The following NAGLU variants were observed in gnomAD, a reference collection of about 807,000 sequenced individuals.
The protein encoded by NAGLU is N-acetyl-alpha-glucosaminidase.
Under a neutral mutation model 43.4 loss-of-function variants are expected in NAGLU, and 34 were observed. That is an observed-to-expected ratio of 0.78 (90% CI 0.60 to 1.04). The LOEUF is 1.04. Among genes scored for constraint, NAGLU ranks in the 50% least tolerant of loss-of-function variants. The pLI is 0.00. For synonymous variants in NAGLU, 425 were observed against 437.6 expected (o/e 0.97, Z 0.36); for missense variants, 910 against 993.7 (o/e 0.92, Z 1.13).
In NAGLU at chr17:42,543,411, C is replaced by G. The variant is rs894998392; in HGVS notation, c.1405C>G (p.Pro469Ala). The part of the protein sequence containing the change: ...AELGWRKDPV[P>A]DLAAWVTSFA... ...GCTGGGCTGGCGAAAGGACCCAGTG[C>G]CAGATTTGGCAGCCTGGGTGACCAG... The change falls in exon 6 of 6, where the codon CCA becomes GCA. Residue 469 changes from proline to alanine, a missense_variant. Transcript: ENST00000225927. 2 of 1,603,944 alleles carry G rather than the reference C, an allele frequency of 1.2e-6. No homozygotes were observed. The highest frequency in any genetic ancestry group is 1.7e-5 in the Admixed American group (1 of 58,376).
intron 5 of NAGLU, among the ~76,000 whole-genome samples, chr17:42,541,580 A>G (rs538083082): frequency 3.3e-5 from 5 of 152,358 alleles, no homozygotes; most frequent in South Asian, 4.1e-4. Context: ...ATTTTGTTTC[A>G]TCTCTGCGTG....
At chr17:42,541,905 ATT>A (rs576041392) in intron 5 of NAGLU, among the ~76,000 whole-genome samples, 3 of 144,102 alleles carry the variant, frequency 2.1e-5, no homozygotes, top group Non-Finnish European at 3.1e-5. Flanking sequence ...GAGAAGCTAC[ATT>A]TTTTTTTTTT....
chr17:42,538,790 A>C lies in NAGLU; in HGVS notation c.764+35A>C, dbSNP rs747748979. 10 of 1,610,526 alleles carry C rather than the reference A, an allele frequency of 6.2e-6. No individual in the cohort carries two copies. The South Asian group carries it at 1.1e-4, about 18-fold the overall frequency. Reference sequence around the variant, plus strand: ...CGCTCACCCCCTCCACTTAGCTCAGAGAGGGAATTTTATTCCCTTCTAGAA... The same window carrying C: ...CGCTCACCCCCTCCACTTAGCTCAGCGAGGGAATTTTATTCCCTTCTAGAA... On this transcript the variant is annotated intron_variant, in intron 4 of 5. Coordinates refer to ENST00000225927, the MANE Select transcript of NAGLU (RefSeq NM_000263.4).
rs773054539 is a variant in NAGLU, at chr17:42,543,553, C to T, written c.1547C>T (p.Pro516Leu). Residue 516 changes from proline (P) to leucine (L), a missense_variant, in exon 6 of 6, where the codon CCG (proline) becomes CTG (leucine). Physicochemically the swap from Pro to Leu is moderately conservative, Grantham distance 98. Coordinates refer to ENST00000225927, the MANE Select transcript of NAGLU (RefSeq NM_000263.4). ...GCCTGCAGGGGCCACAATCGTAGCC[C>T]GCTGGTCAGGCGGCCGTCCCTACAG... Reference protein sequence around the residue: ...GEACRGHNRSPLVRRPSLQMN... With the variant: ...GEACRGHNRSLLVRRPSLQMN... 3.7e-6 allele frequency: 6 copies of T among 1,611,164 alleles called. No homozygotes were observed. The highest frequency in any genetic ancestry group is 1.3e-5 in the African/African-American group (1 of 75,032).
rs2143116788 is a variant in NAGLU at position 42,544,174 on chromosome 17, CTG to C, written c.2171_2172del (p.Val724GlyfsTer32). On this transcript the variant is annotated frameshift_variant, in exon 6 of 6. Coordinates refer to ENST00000225927, the MANE Select transcript of NAGLU (RefSeq NM_000263.4). LOFTEE classifies it high-confidence loss of function. ...TACCCCAGCCAGCCGCGAGGAGACA[CTG>C]TGGACCTGGCCAAGAAGATCTTCCT... is the stretch of plus-strand genomic sequence containing the variant. The C allele has an allele frequency of 1.9e-6, 3 of 1,613,488 alleles. No individual in the cohort carries two copies. Among genetic ancestry groups the C allele is most frequent in the East Asian group, 2.2e-5 (1 of 44,888 alleles).
intron 5 of NAGLU, among the ~76,000 whole-genome samples, chr17:42,542,467 G>GTAT (rs1217254856): frequency 1.3e-5 from 2 of 152,076 alleles, no homozygotes; most frequent in African/African-American, 4.8e-5. Flanking sequence ...CAAAGTACTG[G>GTAT]TATTACAGGC....
In NAGLU at chr17:42,537,599, G is replaced by A. The variant is rs117114905; in HGVS notation, c.531+54G>A. 5.6e-4 allele frequency: 901 copies of A among 1,601,456 alleles called. 13 individuals are homozygous for A. In the East Asian group the frequency reaches 0.013, roughly 23 times the overall value. On this transcript the variant is annotated intron_variant, in intron 2 of 5. Transcript: ENST00000225927. The stretch of plus-strand genomic sequence containing the variant: ...TCCTCTATGGCGGGAGCCACCGTAG[G>A]TGTTTTCACCCGCCCCCCAGCATGG...
rs185125044 is a variant in NAGLU, at chr17:42,536,843, G to C, written c.383+188G>C. On this transcript the variant is annotated intron_variant, in intron 1 of 5. Coordinates refer to ENST00000225927, the MANE Select transcript of NAGLU (RefSeq NM_000263.4). ...GCCTCGGCTGGCCCACCTGAAAAAC[G>C]GAAAGAAGACGCCTACCGTGCAGTG... 1.7e-3 allele frequency: 2,037 copies of C among 1,176,912 alleles called. 10 individuals are homozygous for C. In the Middle Eastern group the frequency reaches 0.022, roughly 13 times the overall value. The allele number at this position is 1,176,912 out of a possible 1,614,324, so 72.9% of individuals were successfully genotyped here. A position where few individuals can be genotyped will look rare whatever the true frequency, so the allele number is the denominator to read the frequency against.
chr17:42,540,899 T>C (rs1299984056), intron 4 of NAGLU, 51 bp from the exon 5 acceptor site: 2 of 1,613,930 alleles, frequency 1.2e-6, no homozygotes, highest in Non-Finnish European at 1.7e-6. Flanking sequence ...AACACTATGG[T>C]GAACACTATG....
At chr17:42,537,918 C>T (rs1312647569) in intron 2 of NAGLU, among the ~76,000 whole-genome samples, 1 of 152,004 alleles carries the variant, frequency 6.6e-6, no homozygotes, top group Non-Finnish European at 1.5e-5. Context: ...CTCCTTCCCC[C>T]ATCTCCCCTA....
At chr17:42,538,564 C>T (rs1198600467) in intron 3 of NAGLU, 79 bp downstream of exon 3, 1 of 1,612,608 alleles carries the variant, frequency 6.2e-7, no homozygotes. Context: ...TAGGCCGGCC[C>T]CAGGGCTCTT....
At chr17:42,537,081 G>T in intron 1 of NAGLU, 4 of 465,232 alleles carry the variant, frequency 8.6e-6, no homozygotes, top group Non-Finnish European at 1.6e-5. Flanking sequence ...CCATCTGTTA[G>T]ACTGTGGGGG....
chr17:42,542,261 G>C (rs1054041463), intron 5 of NAGLU, among the ~76,000 whole-genome samples: 1 of 152,020 alleles, frequency 6.6e-6, no homozygotes, highest in African/African-American at 2.4e-5. Context: ...ACGGGGTTTC[G>C]CTATGTAGGT....
intron 1 of NAGLU, 44 bp from the exon 2 acceptor site, chr17:42,537,354 C>A (rs900921055): frequency 6.2e-7 from 1 of 1,613,250 alleles, no homozygotes; most frequent in Non-Finnish European, 8.5e-7. Context: ...GGGCCGTGGA[C>A]CCTCCAGGGT....
In NAGLU at chr17:42,541,056, A is replaced by C. The variant is rs199625480; in HGVS notation, c.871A>C (p.Ile291Leu). Residue 291 changes from isoleucine to leucine, a missense_variant, in exon 5 of 6, where the codon ATC (isoleucine) becomes CTC (leucine). By Grantham distance (5) the Ile-to-Leu change is conservative. Coordinates refer to ENST00000225927, the MANE Select transcript of NAGLU (RefSeq NM_000263.4). ...TCCGGAAGACCCCATATTCCCCATC[A>C]TCGGGAGCCTCTTCCTGCGAGAGCT... ...LAPEDPIFPI[I>L]GSLFLRELIK... 69 of 1,614,028 alleles carry C rather than the reference A, an allele frequency of 4.3e-5. No individual in the cohort carries two copies. Among genetic ancestry groups the C allele is most frequent in the Non-Finnish European group, 2.5e-6 (3 of 1,180,040 alleles).
Position 42,543,463 on chromosome 17 carries a change from C to T in NAGLU, c.1457C>T (p.Ser486Phe), listed in dbSNP as rs779707775. 3 of 1,598,886 alleles carry T rather than the reference C, an allele frequency of 1.9e-6. No homozygotes were observed. The African/African-American group carries it at 4.0e-5, about 21-fold the overall frequency. ...TSFAARRYGV[S>F]HPDAGAAWRL... ...TTTGCCGCCCGGCGGTATGGGGTCT[C>T]CCACCCGGACGCAGGGGCAGCGTGG... is the stretch of plus-strand genomic sequence containing the variant. Residue 486 changes from serine to phenylalanine, a missense_variant, in exon 6 of 6, where the codon TCC (serine) becomes TTC (phenylalanine). By Grantham distance (155) the Ser-to-Phe change is radical (BLOSUM62 -2). Transcript: ENST00000225927.
In NAGLU at chr17:42,540,964, T is replaced by C. The variant is rs1324732389; in HGVS notation, c.779T>C (p.Val260Ala). 6.2e-7 allele frequency: 1 copy of C among 1,614,198 alleles called. No homozygotes were observed. Residue 260 changes from valine (V) to alanine (A), a missense_variant, in exon 5 of 6, where the codon GTC becomes GCC. Val to Ala is a moderately conservative substitution (Grantham distance 64). Transcript: ENST00000225927. ...CTCCCCACTAGGGTGTTCCCTCAGG[T>C]CAATGTCACGAAGATGGGCAGTTGG... is the stretch of plus-strand genomic sequence containing the variant. ...PEAVTRVFPQ[V>A]NVTKMGSWGH...
Position 42,536,628 on chromosome 17 carries a change from G to C in NAGLU, c.356G>C (p.Gly119Ala). 1 of 1,499,126 alleles carries C rather than the reference G, an allele frequency of 6.7e-7. No individual in the cohort carries two copies. Among genetic ancestry groups the C allele is most frequent in the Non-Finnish European group, 8.8e-7 (1 of 1,131,608 alleles). The allele number at this position is 1,499,126 out of a possible 1,614,324, so 92.9% of individuals were successfully genotyped here. Residue 119 changes from glycine (G) to alanine (A), a missense_variant, in exon 1 of 6, where the codon GGG becomes GCG. Physicochemically the swap from Gly to Ala is moderately conservative, Grantham distance 60. Coordinates refer to ENST00000225927, the MANE Select transcript of NAGLU (RefSeq NM_000263.4). ...RLPRPLPAVP[G>A]ELTEATPNRY... ...CCGCGGCCACTGCCAGCCGTGCCGG[G>C]GGAGCTGACCGAGGCCACGCCCAAC...
At chr17:42,536,903 A>AT in intron 1 of NAGLU, 1 of 766,762 alleles carries the variant, frequency 1.3e-6, no homozygotes. Context: ...TGGGCATAGA[A>AT]TTTGTGGTGC....
Sources: gnomAD v4.1 joint callset for allele counts (sites outside exome capture counted in the v4.1 genomes callset) on GRCh38, gnomAD v4.1.1 for gene constraint, MANE v1.5 for transcripts, NCBI Gene and HGNC (gene_info 2026-07-23, HGNC 2026-07-21) for gene names.